Variants in CEP350 observed in about 807,000 individuals in gnomAD.
CEP350 encodes the protein centrosome-associated protein 350.
CEP350 carries 126 observed loss-of-function variants against 331.8 expected under a neutral mutation model. The ratio of observed to expected loss-of-function variants is 0.38; its 90% CI spans 0.33 to 0.44. CEP350 has a LOEUF of 0.44. Among genes scored for constraint, CEP350 ranks in the 20% least tolerant of loss-of-function variants. The pLI, the probability that CEP350 is intolerant of heterozygous loss-of-function variation, is 1.00. For missense variants in CEP350, 3,406 were observed against 3,634.6 expected (o/e 0.94, Z 1.62); for synonymous variants, 1,200 against 1,259.5 (o/e 0.95, Z 1.00).
Position 180,113,795 on chromosome 1 carries a change from T to G in CEP350, c.*2634T>G, listed in dbSNP as rs746036964. ...CTACACCCTCATCCTCTTTCACTCT[T>G]CCTTCATAATTCCTCTAAGAAAAAT... On this transcript the variant is annotated 3_prime_UTR_variant, in exon 38 of 38. Transcript: ENST00000367607. 2.0e-5 allele frequency: 3 copies of G among 152,624 alleles called. No individual in the cohort carries two copies. Among genetic ancestry groups the G allele is most frequent in the African/African-American group, 2.4e-5 (1 of 41,466 alleles). 9.5% of individuals were successfully genotyped at this position (152,624 alleles called of 1,614,324 possible). A position where few individuals can be genotyped will look rare whatever the true frequency, so the allele number is the denominator to read the frequency against.
chr1:180,046,653 C>A (rs939600830), intron 21 of CEP350, among the ~76,000 whole-genome samples: 5 of 152,130 alleles, frequency 3.3e-5, no homozygotes, highest in African/African-American at 1.2e-4. Flanking sequence ...TGAAGAATTG[C>A]AAAACTATTT....
At chr1:179,963,680 C>T (rs904510314) in intron 1 of CEP350, among the ~76,000 whole-genome samples, 1 of 151,934 alleles carries the variant, frequency 6.6e-6, no homozygotes, top group Non-Finnish European at 1.5e-5. Flanking sequence ...GTTCTCTATT[C>T]TGTTACATTG....
chr1:179,991,126 GA>G (rs1157906744), intron 4 of CEP350, among the ~76,000 whole-genome samples: 1 of 150,616 alleles, frequency 6.6e-6, no homozygotes, highest in Non-Finnish European at 1.5e-5. Context: ...ATATATGTCT[GA>G]TTTTTTTTTT....
At position 180,053,008 on chromosome 1, in the gene CEP350, G is replaced by T. The variant is rs1261549066; in HGVS notation, c.4831G>T (p.Asp1611Tyr). 2 of 1,461,030 alleles carry T rather than the reference G, an allele frequency of 1.4e-6. No individual in the cohort carries two copies. The highest frequency in any genetic ancestry group is 4.6e-5 in the East Asian group (2 of 43,318). 90.5% of individuals were successfully genotyped at this position (1,461,030 alleles called of 1,614,324 possible). A position where few individuals can be genotyped will look rare whatever the true frequency, so the allele number is the denominator to read the frequency against. ...TGCAACAGAATATTCTCTGAAATTT[G>T]ATGAATCCATGACAGAAGATGAAAT... ...SIATEYSLKF[D>Y]ESMTEDEIEE... is the part of the protein sequence containing the mutation. The change falls in exon 23 of 38, where the codon GAT becomes TAT. Residue 1611 changes from aspartate (D) to tyrosine (Y), a missense_variant. This residue lies in a region of CEP350 where 1,857 missense variants were observed against 1,909.2 expected (regional missense o/e 0.97). Coordinates refer to ENST00000367607, the MANE Select transcript of CEP350 (RefSeq NM_014810.5).
intron 1 of CEP350, among the ~76,000 whole-genome samples, chr1:179,969,790 A>G (rs1651301035): frequency 6.6e-6 from 1 of 152,084 alleles, no homozygotes; most frequent in Admixed American, 6.6e-5. Flanking sequence ...CCTGTCTTCT[A>G]AAAAATAAAA....
intron 1 of CEP350, among the ~76,000 whole-genome samples, chr1:179,983,858 A>G (rs1391421810): frequency 2.6e-5 from 4 of 152,220 alleles, no homozygotes; most frequent in Admixed American, 2.6e-4. Flanking sequence ...TGGGCAAAGG[A>G]TAGAAAAGAT....
At chr1:180,065,902 C>T (rs2149026040) in intron 27 of CEP350, among the ~76,000 whole-genome samples, 1 of 151,882 alleles carries the variant, frequency 6.6e-6, no homozygotes, top group East Asian at 1.9e-4. Context: ...TTTCTTTCTA[C>T]TAATTTGGGG....
intron 1 of CEP350, among the ~76,000 whole-genome samples, chr1:179,962,160 G>A (rs1571774618): frequency 6.6e-6 from 1 of 151,710 alleles, no homozygotes; most frequent in East Asian, 1.9e-4. Flanking sequence ...TCCCACTTTT[G>A]GAATCCACAG....
intron 16 of CEP350, among the ~76,000 whole-genome samples, chr1:180,036,679 G>T (rs762389828): frequency 1.3e-5 from 2 of 152,142 alleles, no homozygotes; most frequent in Non-Finnish European, 1.5e-5. Context: ...CTACAGTATA[G>T]TGCAAATATA....
At chr1:180,001,182 G>T (rs1428149294) in intron 6 of CEP350, among the ~76,000 whole-genome samples, 1 of 152,052 alleles carries the variant, frequency 6.6e-6, no homozygotes, top group Non-Finnish European at 1.5e-5. Context: ...TACTACTTTG[G>T]TTATCATCTT....
At chr1:180,070,395 C>A (rs1040274487) in intron 27 of CEP350, among the ~76,000 whole-genome samples, 16 of 151,940 alleles carry the variant, frequency 1.1e-4, no homozygotes. Context: ...AACAAAAGGT[C>A]TCATTTAACG....
At position 180,048,600 on chromosome 1, in the gene CEP350, A is replaced by G. The variant is rs779912052; in HGVS notation, c.4687A>G (p.Lys1563Glu). ...TCCATCTTGTAAGGAAAATGAGAAGAAACTTAATGGTGAAAAGATAGAGAG... is the reference window on the plus strand; with the variant it reads ...TCCATCTTGTAAGGAAAATGAGAAGGAACTTAATGGTGAAAAGATAGAGAG... ...SVPSCKENEK[K>E]LNGEKIESSI... is the part of the protein sequence containing the mutation. Residue 1563 changes from lysine (K) to glutamate (E), a missense_variant, in exon 22 of 38, where the codon AAA (lysine) becomes GAA (glutamate). Physicochemically the swap from Lys to Glu is moderately conservative, Grantham distance 56 (BLOSUM62 1). This residue lies in a region of CEP350 where 1,857 missense variants were observed against 1,909.2 expected (regional missense o/e 0.97). Transcript: ENST00000367607. 6 of 1,610,708 alleles carry G rather than the reference A, an allele frequency of 3.7e-6. No homozygotes were observed. The highest frequency in any genetic ancestry group is 1.7e-6 in the Non-Finnish European group (2 of 1,176,940).
Position 180,022,758 on chromosome 1 carries a change from C to CT in CEP350, c.3297dup (p.Pro1100SerfsTer8). ...TCACGGCCTTTGAATGCCACCGCAA[C>CT]TCCTCTAAGTGGTGTTTCATATGAA... On this transcript the variant is annotated frameshift_variant, in exon 13 of 38. Transcript: ENST00000367607. LOFTEE classifies it high-confidence loss of function. 1 of 1,611,132 alleles carries CT rather than the reference C, an allele frequency of 6.2e-7. No homozygotes were observed. The highest frequency in any genetic ancestry group is 8.5e-7 in the Non-Finnish European group (1 of 1,178,446).
At chr1:180,005,165 A>G (rs1654174309) in intron 7 of CEP350, among the ~76,000 whole-genome samples, 1 of 151,372 alleles carries the variant, frequency 6.6e-6, no homozygotes, top group African/African-American at 2.4e-5. Context: ...GTGATTCCCA[A>G]AGTAATGTCT....
chr1:180,007,574 AGT>A (rs1654342410), intron 8 of CEP350, among the ~76,000 whole-genome samples: 1 of 152,156 alleles, frequency 6.6e-6, no homozygotes, highest in South Asian at 2.1e-4. Flanking sequence ...CTTTGGTGAT[AGT>A]TTCTTTTGCT....
chr1:179,984,928 C>T (rs536965977), intron 1 of CEP350, among the ~76,000 whole-genome samples: 2 of 152,228 alleles, frequency 1.3e-5, no homozygotes, highest in African/African-American at 4.8e-5. Flanking sequence ...CTGAGCTAAC[C>T]ATGGGCAGAT....
intron 1 of CEP350, among the ~76,000 whole-genome samples, chr1:179,963,807 C>G (rs185706480): frequency 3.3e-5 from 5 of 151,742 alleles, no homozygotes; most frequent in African/African-American, 1.2e-4. Context: ...CTTGGCTATT[C>G]AGGCTCTTTT....
intron 5 of CEP350, among the ~76,000 whole-genome samples, chr1:179,995,194 T>A (rs1369199186): frequency 1.3e-5 from 2 of 152,280 alleles, no homozygotes; most frequent in African/African-American, 4.8e-5. Context: ...GTCCAGCCTG[T>A]TGTTAGGTCT....
At chr1:179,991,998 C>A in intron 4 of CEP350, 64 bp from the exon 5 acceptor site, 1 of 1,422,248 alleles carries the variant, frequency 7.0e-7, no homozygotes, top group Non-Finnish European at 9.2e-7. Context: ...TTTAAGATAC[C>A]AGCCTAATTC....
Sources: gnomAD v4.1 joint callset for allele counts (sites outside exome capture counted in the v4.1 genomes callset) on GRCh38, gnomAD v4.1.1 for gene constraint, gnomAD v4.1.1 regional missense constraint, MANE v1.5 for transcripts, NCBI Gene and HGNC (gene_info 2026-07-23, HGNC 2026-07-21) for gene names.